The following BARD1 variants were observed in gnomAD, a reference collection of about 807,000 sequenced individuals.
The protein encoded by BARD1 is BRCA1-associated RING domain protein 1.
BARD1 carries 73 observed loss-of-function variants against 77.0 expected under a neutral mutation model. The ratio of observed to expected loss-of-function variants is 0.95; its 90% CI spans 0.79 to 1.15. The LOEUF (loss-of-function observed/expected upper bound fraction) is 1.15, where lower values mean the gene tolerates loss of function less well. Ranked by LOEUF, BARD1 falls within the 50% of genes most tolerant of loss-of-function variation. BARD1 has a pLI of 0.00. For synonymous variants in BARD1, 384 were observed against 338.0 expected (o/e 1.14, Z -1.49); for missense variants, 993 against 938.8 (o/e 1.06, Z -0.75).
At chr2:214,744,396 T>A (rs1291503997) in intron 9 of BARD1, among the ~76,000 whole-genome samples, 1 of 152,154 alleles carries the variant, frequency 6.6e-6, no homozygotes, top group African/African-American at 2.4e-5. Context: ...GGAAAAGCAA[T>A]AAATTGCTTT....
chr2:214,764,337 A>T (rs994250733), intron 6 of BARD1, among the ~76,000 whole-genome samples: 3 of 152,120 alleles, frequency 2.0e-5, no homozygotes, highest in Admixed American at 2.0e-4. Context: ...AGAAGGGAGG[A>T]AACAGTAAGT....
intron 7 of BARD1, among the ~76,000 whole-genome samples, chr2:214,749,038 T>C (rs1693275604): frequency 6.6e-6 from 1 of 152,096 alleles, no homozygotes; most frequent in African/African-American, 2.4e-5. Context: ...AATAGTATGG[T>C]ACAACACACC....
At chr2:214,798,668 T>G (rs931684798) in intron 1 of BARD1, among the ~76,000 whole-genome samples, 1 of 151,446 alleles carries the variant, frequency 6.6e-6, no homozygotes, top group Non-Finnish European at 1.5e-5. Flanking sequence ...CTAATTGTGC[T>G]GACCTCTTAG....
At chr2:214,784,118 T>G (rs868115336) in intron 3 of BARD1, among the ~76,000 whole-genome samples, 2 of 151,842 alleles carry the variant, frequency 1.3e-5, no homozygotes, top group Non-Finnish European at 2.9e-5. Context: ...GGGAGAAAAA[T>G]TTTTGCAATC....
rs150666485 is a variant in BARD1, at chr2:214,762,754, G to A, written c.1568+4728C>T. ...ACCAATTTCAATCAACATCCTAATC[G>A]GTACTCCACTAGAATCTATGTACGT... On this transcript the variant is annotated intron_variant, in intron 6 of 10. Coordinates refer to ENST00000260947, the MANE Select transcript of BARD1 (RefSeq NM_000465.4). Among the ~76,000 whole-genome samples the A allele has an allele frequency of 7.4e-3, 1,121 of 151,954 alleles. 13 individuals carry two copies. Among genetic ancestry groups the A allele is most frequent in the African/African-American group, 0.025 (1,039 of 41,420 alleles).
chr2:214,759,680 C>A (rs1031780025), intron 6 of BARD1, among the ~76,000 whole-genome samples: 1 of 152,132 alleles, frequency 6.6e-6, no homozygotes, highest in East Asian at 1.9e-4. Context: ...TGACTTTCCA[C>A]TGTACATTCG....
At chr2:214,731,620 T>A (rs1692360494) in intron 9 of BARD1, among the ~76,000 whole-genome samples, 1 of 152,184 alleles carries the variant, frequency 6.6e-6, no homozygotes, top group Admixed American at 6.5e-5. Flanking sequence ...CAAGAAGCAT[T>A]CTAAAAACTA....
chr2:214,726,897 T>C lies in BARD1; in HGVS notation c.*1779A>G, dbSNP rs1475090322. ...AAACTAAGAGACCTCATAGGTGTCT[T>C]TACAATCAGGAATTCAGATGCAAGG... On this transcript the variant is annotated 3_prime_UTR_variant, in exon 11 of 11. Coordinates refer to ENST00000260947, the MANE Select transcript of BARD1 (RefSeq NM_000465.4). The C allele has an allele frequency of 2.2e-5, 5 of 228,898 alleles. No individual in the cohort carries two copies. The highest frequency in any genetic ancestry group is 4.3e-5 in the Non-Finnish European group (5 of 115,410). 14.2% of individuals were successfully genotyped at this position (228,898 alleles called of 1,614,324 possible). A position where few individuals can be genotyped will look rare whatever the true frequency, so the allele number is the denominator to read the frequency against.
chr2:214,743,277 A>C (rs926536482), intron 9 of BARD1, among the ~76,000 whole-genome samples: 2 of 152,254 alleles, frequency 1.3e-5, no homozygotes, highest in Non-Finnish European at 2.9e-5. Context: ...AATTAATAAC[A>C]TAATTAAGAT....
At chr2:214,794,623 T>G (rs1161200897) in intron 2 of BARD1, among the ~76,000 whole-genome samples, 1 of 152,218 alleles carries the variant, frequency 6.6e-6, no homozygotes, top group South Asian at 2.1e-4. Flanking sequence ...GGTAAATGCA[T>G]GAACACACAA....
At chr2:214,762,817 A>G (rs572747921) in intron 6 of BARD1, among the ~76,000 whole-genome samples, 1 of 152,314 alleles carries the variant, frequency 6.6e-6, no homozygotes, top group Non-Finnish European at 1.5e-5. Flanking sequence ...TATTTTTGAA[A>G]CAGTACAAAG....
intron 4 of BARD1, 78 bp downstream of exon 4, chr2:214,780,482 C>A: frequency 8.1e-7 from 1 of 1,238,228 alleles, no homozygotes; most frequent in South Asian, 1.2e-5. Flanking sequence ...TAATCCTATG[C>A]CATTTTTCAA....
Position 214,767,524 on chromosome 2 carries a change from A to G in BARD1, c.1526T>C (p.Ile509Thr), listed in dbSNP as rs1553619225. Residue 509 changes from isoleucine to threonine, a missense_variant, in exon 6 of 11, where the codon ATA becomes ACA. Coordinates refer to ENST00000260947, the MANE Select transcript of BARD1 (RefSeq NM_000465.4). Reference sequence around the variant, plus strand: ...TCCATAGGAAAGTAACAGCTTGACTATATCCACATGCCCATTCTTGGCTGC... The same window carrying G: ...TCCATAGGAAAGTAACAGCTTGACTGTATCCACATGCCCATTCTTGGCTGC... ...HDAAKNGHVD[I>T]VKLLLSYGAS... The G allele has an allele frequency of 6.2e-7, 1 of 1,614,034 alleles. No homozygotes were observed. Among genetic ancestry groups the G allele is most frequent in the Non-Finnish European group, 8.5e-7 (1 of 1,179,914 alleles).
At chr2:214,783,358 T>C (rs1695127649) in intron 3 of BARD1, among the ~76,000 whole-genome samples, 1 of 152,096 alleles carries the variant, frequency 6.6e-6, no homozygotes, top group Non-Finnish European at 1.5e-5. Context: ...GTGGCACATA[T>C]ACACCATGGA....
At chr2:214,732,245 T>TA (rs1444595652) in intron 9 of BARD1, among the ~76,000 whole-genome samples, 1 of 152,222 alleles carries the variant, frequency 6.6e-6, no homozygotes, top group African/African-American at 2.4e-5. Context: ...AAACTGCATA[T>TA]GCCTGCAAAA....
intron 7 of BARD1, among the ~76,000 whole-genome samples, chr2:214,747,955 T>C (rs1693219947): frequency 6.6e-6 from 1 of 152,028 alleles, no homozygotes; most frequent in Admixed American, 6.5e-5. Flanking sequence ...TTTGATAATA[T>C]TTAAAAACAC....
chr2:214,794,916 T>C (rs1695692459), intron 2 of BARD1, among the ~76,000 whole-genome samples: 1 of 152,226 alleles, frequency 6.6e-6, no homozygotes, highest in Non-Finnish European at 1.5e-5. Context: ...TCATTTTCTC[T>C]TTTAAGATGT....
chr2:214,753,366 T>A (rs1372090470), intron 6 of BARD1, among the ~76,000 whole-genome samples: 1 of 152,194 alleles, frequency 6.6e-6, no homozygotes, highest in Non-Finnish European at 1.5e-5. Flanking sequence ...TACATATGGT[T>A]TCAGAATATG....
intron 7 of BARD1, among the ~76,000 whole-genome samples, chr2:214,749,789 T>C (rs926044147): frequency 1.3e-5 from 2 of 152,168 alleles, no homozygotes; most frequent in African/African-American, 4.8e-5. Flanking sequence ...AACCTTTTTT[T>C]TTTTTTAATG....
Sources: gnomAD v4.1 joint callset for allele counts (sites outside exome capture counted in the v4.1 genomes callset) on GRCh38, gnomAD v4.1.1 for gene constraint, MANE v1.5 for transcripts, NCBI Gene and HGNC (gene_info 2026-07-23, HGNC 2026-07-21) for gene names.